The following SMARCD3 variants were observed in gnomAD, a reference collection of about 807,000 sequenced individuals.
The protein encoded by SMARCD3 is SWI/SNF-related matrix-associated actin-dependent regulator of chromatin subfamily D member 3.
SMARCD3 carries 14 observed loss-of-function variants against 58.0 expected under a neutral mutation model. That is an observed-to-expected ratio of 0.24 (90% CI 0.16 to 0.38). SMARCD3 has a LOEUF of 0.38. Among genes scored for constraint, SMARCD3 ranks in the 10% least tolerant of loss-of-function variants. The pLI is 1.00. For synonymous variants in SMARCD3, 253 were observed against 253.8 expected (o/e 1.00, Z 0.03); for missense variants, 408 against 636.9 (o/e 0.64, Z 3.87).
At chr7:151,244,066 G>A (rs1285416098) in intron 2 of SMARCD3, among the ~76,000 whole-genome samples, 1 of 152,202 alleles carries the variant, frequency 6.6e-6, no homozygotes, top group Non-Finnish European at 1.5e-5. Flanking sequence ...GGGAAGCCAG[G>A]TTCTGAAGAC....
intron 2 of SMARCD3, among the ~76,000 whole-genome samples, chr7:151,266,127 G>A (rs995083000): frequency 2.6e-5 from 4 of 151,942 alleles, no homozygotes; most frequent in Non-Finnish European, 5.9e-5. Flanking sequence ...GTGCCACCAG[G>A]CCCAGCTAAT....
At chr7:151,269,541 T>G (rs1795095885) in intron 2 of SMARCD3, among the ~76,000 whole-genome samples, 1 of 152,056 alleles carries the variant, frequency 6.6e-6, no homozygotes, top group Non-Finnish European at 1.5e-5. Context: ...GCTGGAAAGA[T>G]GGGCTAAAGC....
chr7:151,274,892 G>A lies in SMARCD3; in HGVS notation c.39+222C>T, dbSNP rs895543070. On this transcript the variant is annotated intron_variant, in intron 2 of 13. Transcript: ENST00000356800. ...AGGACACCAGGAGGTGAGAGGACACGCAGGAAAGGGAGTGTGGGATGGAGG... is the reference window on the plus strand; with the variant it reads ...AGGACACCAGGAGGTGAGAGGACACACAGGAAAGGGAGTGTGGGATGGAGG... 2.0e-5 allele frequency among the ~76,000 whole-genome samples: 3 copies of A among 152,332 alleles called. No individual in the cohort carries two copies. In the South Asian group the frequency reaches 6.2e-4, roughly 32 times the overall value.
Position 151,241,495 on chromosome 7 carries a change from C to T in SMARCD3, c.936G>A (p.Gln312=). 5.0e-6 allele frequency: 8 copies of T among 1,611,644 alleles called. No homozygotes were observed. Among genetic ancestry groups the T allele is most frequent in the Non-Finnish European group, 6.8e-6 (8 of 1,178,982 alleles). Residue 312 remains glutamine, a synonymous_variant, in exon 8 of 13, where the codon CAG becomes CAA. Coordinates refer to ENST00000262188, the MANE Select transcript of SMARCD3 (RefSeq NM_001003801.2). The surrounding 1 kb of genome is among the most constrained non-coding windows in gnomAD (Gnocchi z 5.3). ...KEYINGDKYF[Q]QIFDCPRLKF... is the part of the protein sequence containing the mutation. ...CAGGGTTCAGGAGAGAGGTTACCTG[C>T]TGGAAATACTTGTCCCCATTGATGT...
At position 151,243,740 on chromosome 7, in the gene SMARCD3, G is replaced by A. The variant is rs761590341; in HGVS notation, c.291-39C>T. On this transcript the variant is annotated intron_variant, in intron 2 of 12. Transcript: ENST00000262188. This position sits in a 1 kb window ranked among gnomAD's most constrained non-coding sequence, Gnocchi z 4.4. Reference sequence around the variant, plus strand: ...AAAGAAAAAACCAGGTTACCATGGCGACAGATCTGGGCGTAACGAGGCCAC... The same window carrying A: ...AAAGAAAAAACCAGGTTACCATGGCAACAGATCTGGGCGTAACGAGGCCAC... The A allele has an allele frequency of 1.4e-5, 21 of 1,489,610 alleles. No individual in the cohort carries two copies. Among genetic ancestry groups the A allele is most frequent in the East Asian group, 4.5e-5 (2 of 44,274 alleles). 92.3% of individuals were successfully genotyped at this position (1,489,610 alleles called of 1,614,324 possible).
chr7:151,260,585 C>T (rs1377716005), intron 2 of SMARCD3, among the ~76,000 whole-genome samples: 4 of 152,152 alleles, frequency 2.6e-5, no homozygotes, highest in African/African-American at 4.8e-5. Flanking sequence ...AACTCCTGTG[C>T]GACGTACACA....
chr7:151,243,313 C>G lies in SMARCD3; in HGVS notation c.333+346G>C, dbSNP rs1304651838. Among the ~76,000 whole-genome samples, 2 of 152,202 alleles carry G rather than the reference C, an allele frequency of 1.3e-5. No homozygotes were observed. Among genetic ancestry groups the G allele is most frequent in the Non-Finnish European group, 2.9e-5 (2 of 68,030 alleles). ...GTGCTGTCCCCATACCCAGCTGGAC[C>G]TGGGTCTCTTTAGGATGCTCAGGAT... is the stretch of plus-strand genomic sequence containing the variant. On this transcript the variant is annotated intron_variant, in intron 3 of 12. Transcript: ENST00000262188. The surrounding 1 kb of genome is among the most constrained non-coding windows in gnomAD (Gnocchi z 4.4).
intron 2 of SMARCD3, among the ~76,000 whole-genome samples, chr7:151,258,575 A>AAAAAAAG (rs1803786197): frequency 1.3e-5 from 2 of 151,042 alleles, no homozygotes; most frequent in Non-Finnish European, 3.0e-5. Context: ...AAAAAAAAAA[A>AAAAAAAG]AAAAAGAAAA....
At position 151,242,659 on chromosome 7, in the gene SMARCD3, C is replaced by G. The variant is rs760923947; in HGVS notation, c.457-56G>C. On this transcript the variant is annotated intron_variant, in intron 4 of 12. Transcript: ENST00000262188. This position sits in a 1 kb window ranked among gnomAD's most constrained non-coding sequence, Gnocchi z 4.7. ...TGCTGTGTGCTCCCACCCCGACCAC[C>G]CTGCTTCCCCATCCTGGTCACACAA... 2.7e-4 allele frequency: 431 copies of G among 1,612,256 alleles called. No homozygotes were observed. The highest frequency in any genetic ancestry group is 3.5e-4 in the Non-Finnish European group (418 of 1,178,554).
At chr7:151,274,846 G>C (rs1298602240) in intron 2 of SMARCD3, among the ~76,000 whole-genome samples, 1 of 152,222 alleles carries the variant, frequency 6.6e-6, no homozygotes, top group Non-Finnish European at 1.5e-5. Context: ...GGCTCAGAAA[G>C]GCTTTGAGAG....
Position 151,245,666 on chromosome 7 carries a change from G to T in SMARCD3, c.84C>A (p.Pro28=), listed in dbSNP as rs1803223757. ...GCATCCGGGCTCCAGACGGCATCCC[G>T]GGGCGCTGGGGGTGGGCGGGGGTGA... ...LFEFLVHGVR[P]GMPSGARMPH... Residue 28 remains proline, a synonymous_variant, in exon 2 of 13, where the codon CCC becomes CCA. Transcript: ENST00000262188. This position sits in a 1 kb window ranked among gnomAD's most constrained non-coding sequence, Gnocchi z 6.2. 9.3e-7 allele frequency: 1 copy of T among 1,072,276 alleles called. No individual in the cohort carries two copies. Among genetic ancestry groups the T allele is most frequent in the Non-Finnish European group, 1.2e-6 (1 of 842,932 alleles). 66.4% of individuals were successfully genotyped at this position (1,072,276 alleles called of 1,614,324 possible). A position where few individuals can be genotyped will look rare whatever the true frequency, so the allele number is the denominator to read the frequency against.
rs112051569 is a variant in SMARCD3 at position 151,239,227 on chromosome 7, A to T, written c.1399-71T>A. On this transcript the variant is annotated intron_variant, in intron 12 of 12. Transcript: ENST00000262188. The surrounding 1 kb of genome is among the most constrained non-coding windows in gnomAD (Gnocchi z 7.0). ...GTGATCAGGACAATCCCACCTACTG[A>T]CACCGCCTGCCCTGAAAGAGCATCT... 1.3e-6 allele frequency: 2 copies of T among 1,520,346 alleles called. No homozygotes were observed. The allele number at this position is 1,520,346 out of a possible 1,614,324, so 94.2% of individuals were successfully genotyped here.
intron 2 of SMARCD3, among the ~76,000 whole-genome samples, chr7:151,259,640 A>C (rs1584889263): frequency 1.0e-5 from 1 of 95,504 alleles, no homozygotes. Flanking sequence ...ACGGACTTTC[A>C]CTCTTGTCAC....
In SMARCD3 at chr7:151,239,543, C is replaced by T. The variant is rs1425847095; in HGVS notation, c.1297-46G>A. 11 of 1,609,258 alleles carry T rather than the reference C, an allele frequency of 6.8e-6. No individual in the cohort carries two copies. The highest frequency in any genetic ancestry group is 2.2e-5 in the South Asian group (2 of 91,002). ...AGCCCTGAGCCCTGAATCCCCTCAC[C>T]TGCCCCTGGAGTACAACGTTTACTC... On this transcript the variant is annotated intron_variant, in intron 11 of 12. Coordinates refer to ENST00000262188, the MANE Select transcript of SMARCD3 (RefSeq NM_001003801.2). The surrounding 1 kb of genome is among the most constrained non-coding windows in gnomAD (Gnocchi z 7.0).
At chr7:151,261,341 C>T (rs573264532) in intron 2 of SMARCD3, among the ~76,000 whole-genome samples, 1 of 152,204 alleles carries the variant, frequency 6.6e-6, no homozygotes, top group Non-Finnish European at 1.5e-5. Flanking sequence ...TAGACATTGA[C>T]CCTTGTCCCT....
intron 2 of SMARCD3, among the ~76,000 whole-genome samples, chr7:151,260,890 G>C (rs866893977): frequency 6.6e-6 from 1 of 152,186 alleles, no homozygotes; most frequent in African/African-American, 2.4e-5. Flanking sequence ...AGAAAGAGAT[G>C]GGGCTTGTGA....
chr7:151,256,070 G>A (rs541539856), intron 2 of SMARCD3, among the ~76,000 whole-genome samples: 26 of 151,866 alleles, frequency 1.7e-4, no homozygotes, highest in African/African-American at 6.3e-4. Context: ...TAGTAGAGAC[G>A]GGGTTTCACC....
chr7:151,246,595 T>A lies in SMARCD3; in HGVS notation c.79-924A>T, dbSNP rs953871150. Among the ~76,000 whole-genome samples the A allele has an allele frequency of 2.6e-5, 4 of 152,028 alleles. No homozygotes were observed. The highest frequency in any genetic ancestry group is 2.6e-4 in the Admixed American group (4 of 15,282). ...CTGTCTGCCCAGGTCAGCAGCCACC[T>A]CCTCCTCTTCCCATCCCCACCCCAG... On this transcript the variant is annotated intron_variant, in intron 1 of 12. Transcript: ENST00000262188. The surrounding 1 kb of genome is among the most constrained non-coding windows in gnomAD (Gnocchi z 4.4).
chr7:151,274,077 C>A (rs1795259290), intron 2 of SMARCD3, among the ~76,000 whole-genome samples: 1 of 152,294 alleles, frequency 6.6e-6, no homozygotes, highest in Admixed American at 6.5e-5. Flanking sequence ...CAGGACTTTC[C>A]TGATGTCTCC....
Sources: gnomAD v4.1 joint callset for allele counts (sites outside exome capture counted in the v4.1 genomes callset) on GRCh38, gnomAD v4.1.1 for gene constraint, Gnocchi (gnomAD v3.1) non-coding constraint, MANE v1.5 for transcripts, NCBI Gene and HGNC (gene_info 2026-07-23, HGNC 2026-07-21) for gene names.